Variants in VPS33A observed in about 807,000 individuals in gnomAD.
VPS33A encodes the protein VPS33A core subunit of CORVET and HOPS complexes, also known as vacuolar protein sorting-associated protein 33A.
In VPS33A, 32 loss-of-function variants were observed where a neutral mutation model predicts 71.8. The ratio of observed to expected loss-of-function variants is 0.45; its 90% confidence interval spans 0.34 to 0.60. The LOEUF is 0.60. VPS33A is among the 20% of genes least tolerant of loss of function. The pLI is 0.02. For missense variants in VPS33A, 625 were observed against 748.5 expected, an observed-to-expected ratio of 0.84 and a Z score of 1.92; for synonymous variants, 311 against 292.7, an observed-to-expected ratio of 1.06 and a Z score of -0.64.
Position 122,232,330 on chromosome 12 carries a change from A to C in VPS33A, c.1707T>G (p.Asp569Glu), listed in dbSNP as rs149891450. The change falls in exon 13 of 13, where the codon GAT (aspartate) becomes GAG (glutamate). Residue 569 changes from aspartate (D) to glutamate (E), a missense_variant. Physicochemically the swap from Asp to Glu is conservative, Grantham distance 45. Coordinates refer to ENST00000267199, the MANE Select transcript of VPS33A (RefSeq NM_022916.6). Reference protein sequence around the residue: ...AALRFLSQLEDGGTEYVIATT... With the variant: ...AALRFLSQLEEGGTEYVIATT... The stretch of plus-strand genomic sequence containing the variant: ...TGGCAATGACATATTCTGTACCTCC[A>C]TCTTCCAACTGGGAGAGAAATCGCA... The C allele has an allele frequency of 1.4e-5, 23 of 1,614,234 alleles. No individual in the cohort carries two copies. In the African/African-American group the frequency reaches 2.4e-4, roughly 17 times the overall value.
chr12:122,266,165 G>T, intron 1 of VPS33A, 142 bp downstream of exon 1: 1 of 1,260,316 alleles, frequency 7.9e-7, no homozygotes, highest in Non-Finnish European at 1.1e-6. Context: ...CTGCACAGGG[G>T]TGCAGGTAAA....
intron 9 of VPS33A, 103 bp downstream of exon 9, chr12:122,239,775 A>AAAAAAAAAAAAAG: frequency 1.6e-6 from 1 of 622,980 alleles, no homozygotes; most frequent in East Asian, 4.2e-5. Flanking sequence ...AAAAAAAAAA[A>AAAAAAAAAAAAAG]AAAAGGCAAG....
intron 4 of VPS33A, among the ~76,000 whole-genome samples, chr12:122,259,656 T>C (rs1954967055): frequency 6.6e-6 from 1 of 152,118 alleles, no homozygotes; most frequent in Admixed American, 6.5e-5. Context: ...ATAATATCAT[T>C]ACAATGGAAT....
At chr12:122,259,231 A>ATGTG (rs1172444115) in intron 4 of VPS33A, among the ~76,000 whole-genome samples, 1 of 147,228 alleles carries the variant, frequency 6.8e-6, no homozygotes, top group African/African-American at 2.5e-5. Flanking sequence ...GTATGTATGT[A>ATGTG]TTTTTGAGAC....
At position 122,232,176 on chromosome 12, in the gene VPS33A, T is replaced by A; in HGVS notation, c.*70A>T. 6.9e-7 allele frequency: 1 copy of A among 1,453,168 alleles called. No individual in the cohort carries two copies. Among genetic ancestry groups the A allele is most frequent in the African/African-American group, 1.4e-5 (1 of 69,968 alleles). 90.0% of individuals were successfully genotyped at this position (1,453,168 alleles called of 1,614,324 possible). A position where few individuals can be genotyped will look rare whatever the true frequency, so the allele number is the denominator to read the frequency against. ...CCATGTTTCTTCTATGGGGTTTTAC[T>A]TCCTTTCAGCAATTTCTTCAAAGAG... On this transcript the variant is annotated 3_prime_UTR_variant, in exon 13 of 13. Coordinates refer to ENST00000267199, the MANE Select transcript of VPS33A (RefSeq NM_022916.6).
chr12:122,250,161 G>C (rs959714664), intron 5 of VPS33A, 116 bp from the exon 6 acceptor site: 6 of 1,123,816 alleles, frequency 5.3e-6, no homozygotes, highest in African/African-American at 3.2e-5. Flanking sequence ...CTGGAAGAGT[G>C]CATTGCTTAG....
At chr12:122,233,643 A>G (rs1954593646) in intron 11 of VPS33A, among the ~76,000 whole-genome samples, 1 of 152,238 alleles carries the variant, frequency 6.6e-6, no homozygotes, top group Admixed American at 6.5e-5. Context: ...CTTGCAGAAC[A>G]AAAGATAATA....
intron 11 of VPS33A, among the ~76,000 whole-genome samples, chr12:122,233,747 T>C (rs909351609): frequency 2.6e-5 from 4 of 152,116 alleles, no homozygotes; most frequent in Non-Finnish European, 5.9e-5. Flanking sequence ...TGTTAAATCA[T>C]TAAATAAGGT....
At chr12:122,248,303 C>T (rs1342848073) in intron 6 of VPS33A, 2 of 152,274 alleles carry the variant, frequency 1.3e-5, no homozygotes, top group African/African-American at 2.4e-5. Flanking sequence ...ACTATGCAGA[C>T]GAGGGAAGAA....
At chr12:122,256,609 G>A (rs925823463) in intron 4 of VPS33A, among the ~76,000 whole-genome samples, 1 of 151,810 alleles carries the variant, frequency 6.6e-6, no homozygotes, top group Non-Finnish European at 1.5e-5. Flanking sequence ...CTAGTCTCCA[G>A]AGCAGCAGCA....
chr12:122,234,068 T>C (rs547019364), intron 11 of VPS33A, among the ~76,000 whole-genome samples: 2 of 152,214 alleles, frequency 1.3e-5, no homozygotes, highest in South Asian at 4.2e-4. Flanking sequence ...TTAGAAACAT[T>C]AGAATAAGTA....
At chr12:122,242,701 C>T (rs1361819161) in intron 7 of VPS33A, among the ~76,000 whole-genome samples, 193 bp from the exon 8 acceptor site, 1 of 152,056 alleles carries the variant, frequency 6.6e-6, no homozygotes, top group Non-Finnish European at 1.5e-5. Context: ...TACAGGTGCC[C>T]ACCACCATGC....
rs530809767 is a variant in VPS33A at position 122,233,157 on chromosome 12, T to C, written c.1441-189A>G. Among the ~76,000 whole-genome samples, 26 of 152,108 alleles carry C rather than the reference T, an allele frequency of 1.7e-4. 1 individual carries two copies. The highest frequency in any genetic ancestry group is 6.0e-4 in the African/African-American group (25 of 41,472). ...TAGCAGCCAGAGCTTCAATTTTGAC[T>C]GAAATCTTGAAAAGCCACTCAAAGC... is the stretch of plus-strand genomic sequence containing the variant. On this transcript the variant is annotated intron_variant, in intron 11 of 12. Transcript: ENST00000267199.
intron 4 of VPS33A, among the ~76,000 whole-genome samples, chr12:122,251,750 A>G (rs951430220): frequency 3.3e-5 from 5 of 152,016 alleles, no homozygotes; most frequent in Admixed American, 3.3e-4. Context: ...CAGGAAGGGG[A>G]ACATCACACA....
At position 122,239,882 on chromosome 12, in the gene VPS33A, T is replaced by C. The variant is rs755229415; in HGVS notation, c.1160A>G (p.Asp387Gly). The C allele has an allele frequency of 6.2e-7, 1 of 1,612,340 alleles. No homozygotes were observed. The highest frequency in any genetic ancestry group is 8.5e-7 in the Non-Finnish European group (1 of 1,178,864). ...EQEFMSGIDT[D>G]KVNNYIEDCI... is the part of the protein sequence containing the mutation. ...GAGGTTTTTTTGTCCACATACCTTA[T>C]CAGTGTCTATTCCAGACATAAACTC... The change falls in exon 9 of 13, where the codon GAT becomes GGT. Residue 387 changes from aspartate (D) to glycine (G), a missense_variant. Coordinates refer to ENST00000267199, the MANE Select transcript of VPS33A (RefSeq NM_022916.6).
intron 7 of VPS33A, 87 bp downstream of exon 7, chr12:122,244,482 A>T (rs1049701827): frequency 8.5e-7 from 1 of 1,179,362 alleles, no homozygotes; most frequent in African/African-American, 1.5e-5. Flanking sequence ...TTTAATGGCT[A>T]CATATTTTTG....
In VPS33A at chr12:122,250,972, C is replaced by A. The variant is rs746209023; in HGVS notation, c.600+11G>T. On this transcript the variant is annotated intron_variant, in intron 5 of 12. Transcript: ENST00000267199. ...GCCCTCCTTTACCACCACAAAGCAGCCGGTTCTCACCCGAGCGCATTCTCC... is the reference window on the plus strand; with the variant it reads ...GCCCTCCTTTACCACCACAAAGCAGACGGTTCTCACCCGAGCGCATTCTCC... 1.9e-6 allele frequency: 3 copies of A among 1,607,260 alleles called. No homozygotes were observed. The South Asian group carries it at 3.3e-5, about 18-fold the overall frequency.
chr12:122,255,707 CAAAAAAA>C (rs71082953), intron 4 of VPS33A, among the ~76,000 whole-genome samples: 1 of 35,470 alleles, frequency 2.8e-5, no homozygotes, highest in Non-Finnish European at 4.9e-5. Context: ...GACTCCGTCT[CAAAAAAA>C]AAAAAAAAAA....
chr12:122,249,862 T>C lies in VPS33A; in HGVS notation c.775+9A>G, dbSNP rs1954820797. On this transcript the variant is annotated intron_variant, in intron 6 of 12. Transcript: ENST00000267199. ...TACCTATTAGTGAAAACAGATGTCA[T>C]GTACTTACTGTTCTGAATGCCATAA... 1 of 1,609,654 alleles carries C rather than the reference T, an allele frequency of 6.2e-7. No homozygotes were observed.
Sources: gnomAD v4.1 joint callset for allele counts (sites outside exome capture counted in the v4.1 genomes callset) on GRCh38, gnomAD v4.1.1 for gene constraint, MANE v1.5 for transcripts, NCBI Gene and HGNC (gene_info 2026-07-23, HGNC 2026-07-21) for gene names.